PRKN: variants seen among roughly 807,000 people sequenced by gnomAD.
PRKN encodes the protein parkin RBR E3 ubiquitin protein ligase.
PRKN carries 56 observed loss-of-function variants against 59.5 expected under a neutral mutation model. The observed-to-expected ratio is 0.94, with a 90% confidence interval of 0.76 to 1.18. PRKN has a LOEUF of 1.18. PRKN is among the 50% of genes most tolerant of loss of function. PRKN has a pLI of 0.00. For synonymous variants in PRKN, 250 were observed against 222.1 expected, an observed-to-expected ratio of 1.13 and a Z score of -1.12; for missense variants, 657 against 596.4, an observed-to-expected ratio of 1.10 and a Z score of -1.06.
intron 2 of PRKN, among the ~76,000 whole-genome samples, chr6:162,380,884 G>A (rs926843143): frequency 6.6e-6 from 1 of 152,108 alleles, no homozygotes; most frequent in African/African-American, 2.4e-5. Context: ...CCTATGGGCA[G>A]TCTTTCTGGG....
At chr6:162,683,966 T>C (rs1251074448) in intron 1 of PRKN, among the ~76,000 whole-genome samples, 3 of 152,092 alleles carry the variant, frequency 2.0e-5, no homozygotes, top group Non-Finnish European at 2.9e-5. Flanking sequence ...GAAAGTAGAA[T>C]AGTATGAAGA....
At chr6:161,916,703 CTCT>C (rs934114892) in intron 6 of PRKN, among the ~76,000 whole-genome samples, 7 of 152,094 alleles carry the variant, frequency 4.6e-5, no homozygotes, top group South Asian at 2.1e-4. Flanking sequence ...TATGGCTTTC[CTCT>C]TCTTCTACCC....
intron 1 of PRKN, among the ~76,000 whole-genome samples, chr6:162,504,655 T>C (rs62428854): frequency 0.29 from 44,308 of 151,990 alleles, 7,248 homozygotes; most frequent in Middle Eastern, 0.39. Context: ...GTAACATTAG[T>C]ATAGGAAGGC....
intron 7 of PRKN, among the ~76,000 whole-genome samples, chr6:161,778,407 A>G (rs1790049761): frequency 3.9e-5 from 6 of 152,224 alleles, no homozygotes; most frequent in Non-Finnish European, 1.5e-5. Flanking sequence ...TTAGATAGAA[A>G]CTTTATCATT....
intron 9 of PRKN, among the ~76,000 whole-genome samples, chr6:161,504,413 G>T (rs1562491048): frequency 6.6e-6 from 1 of 152,196 alleles, no homozygotes. Context: ...GGTGTGCGGG[G>T]ATGGGAAAAG....
At chr6:162,350,036 G>T (rs1018566684) in intron 2 of PRKN, among the ~76,000 whole-genome samples, 4 of 152,072 alleles carry the variant, frequency 2.6e-5, no homozygotes, top group African/African-American at 9.7e-5. Context: ...AAAATTAATT[G>T]TATTTCTACA....
chr6:161,384,409 G>A (rs1345674022), intron 10 of PRKN, among the ~76,000 whole-genome samples: 2 of 152,058 alleles, frequency 1.3e-5, no homozygotes, highest in African/African-American at 2.4e-5. Context: ...CTGGTGTGGT[G>A]GCATGTGCCT....
Position 162,332,629 on chromosome 6 carries a change from T to C in PRKN, c.172-69864A>G, listed in dbSNP as rs1468013406. Among the ~76,000 whole-genome samples the C allele has an allele frequency of 2.0e-5, 3 of 152,156 alleles. No homozygotes were observed. The South Asian group carries it at 6.2e-4, about 32-fold the overall frequency. On this transcript the variant is annotated intron_variant, in intron 2 of 11. Transcript: ENST00000366898. ...TGGAAAATTGCTGTGAATTACTGAT[T>C]TTGTCATATGAAGTTACATGGCTTC...
chr6:162,354,791 C>T (rs985961339), intron 2 of PRKN, among the ~76,000 whole-genome samples: 3 of 152,132 alleles, frequency 2.0e-5, no homozygotes, highest in Middle Eastern at 6.8e-3. Context: ...TGTCTATCAA[C>T]CATCAGCAAA....
At position 161,774,662 on chromosome 6, in the gene PRKN, C is replaced by T. The variant is rs149190884; in HGVS notation, c.871+11110G>A. On this transcript the variant is annotated intron_variant, in intron 7 of 11. Transcript: ENST00000366898. ...GATTCGGGTCTGGGTCCCTGGATAA[C>T]GGAGTGGAGCAGAGGCCCCTTGGCC... Among the ~76,000 whole-genome samples the T allele has an allele frequency of 2.6e-5, 4 of 152,232 alleles. No individual in the cohort carries two copies. The East Asian group carries it at 5.8e-4, about 22-fold the overall frequency.
At chr6:162,657,485 A>G (rs116176084) in intron 1 of PRKN, among the ~76,000 whole-genome samples, 1,534 of 152,284 alleles carry the variant, frequency 0.01, 28 homozygotes, top group African/African-American at 0.035. Flanking sequence ...TCCAACAATT[A>G]CTAAATTTAA....
chr6:161,876,473 A>G (rs1223443259), intron 6 of PRKN, among the ~76,000 whole-genome samples: 1 of 152,094 alleles, frequency 6.6e-6, no homozygotes, highest in Non-Finnish European at 1.5e-5. Flanking sequence ...CGTCACACCC[A>G]GCTAATTTTT....
Position 162,262,505 on chromosome 6 carries a change from T to G in PRKN, c.412+20A>C. On this transcript the variant is annotated intron_variant, in intron 3 of 11. Coordinates refer to ENST00000366898, the MANE Select transcript of PRKN (RefSeq NM_004562.3). ...ACAAACAAACAAAATGCTTTAATAA[T>G]CTTAGAGCATTCCAATTACCTGGAC... is the stretch of plus-strand genomic sequence containing the variant. The G allele has an allele frequency of 1.2e-6, 2 of 1,613,888 alleles. No individual in the cohort carries two copies. The highest frequency in any genetic ancestry group is 2.2e-5 in the South Asian group (2 of 91,036).
intron 2 of PRKN, among the ~76,000 whole-genome samples, chr6:162,334,398 T>A (rs1193822290): frequency 6.6e-6 from 1 of 152,188 alleles, no homozygotes; most frequent in Non-Finnish European, 1.5e-5. Flanking sequence ...AATGCTCATT[T>A]CCATTAAAAT....
chr6:161,494,724 A>G (rs1777680038), intron 9 of PRKN, among the ~76,000 whole-genome samples: 1 of 152,200 alleles, frequency 6.6e-6, no homozygotes, highest in Non-Finnish European at 1.5e-5. Flanking sequence ...ATGTATTCCC[A>G]TCTTACGGGC....
chr6:162,542,087 C>T (rs374080274), intron 1 of PRKN, among the ~76,000 whole-genome samples: 2 of 152,020 alleles, frequency 1.3e-5, no homozygotes, highest in Admixed American at 6.6e-5. Flanking sequence ...TCCCAGGTTG[C>T]GGAAGGTAAG....
In PRKN at chr6:161,415,726, C is replaced by G. The variant is rs16892507; in HGVS notation, c.1084-28849G>C. Among the ~76,000 whole-genome samples, 142 of 151,640 alleles carry G rather than the reference C, an allele frequency of 9.4e-4. 1 individual carries two copies. The East Asian group carries it at 0.023, about 24-fold the overall frequency. ...GGCCCCTCCTGAGCTTCGTCCCAGA[C>G]AGCAGTCAGAGCAGGACTTCAGATG... On this transcript the variant is annotated intron_variant, in intron 9 of 11. Coordinates refer to ENST00000366898, the MANE Select transcript of PRKN (RefSeq NM_004562.3).
intron 2 of PRKN, among the ~76,000 whole-genome samples, chr6:162,379,272 A>C (rs1786297293): frequency 6.6e-6 from 1 of 152,108 alleles, no homozygotes; most frequent in Non-Finnish European, 1.5e-5. Flanking sequence ...TCACTCCATG[A>C]GTGATAAATT....
At chr6:162,148,307 T>G (rs1012787760) in intron 4 of PRKN, among the ~76,000 whole-genome samples, 2 of 152,024 alleles carry the variant, frequency 1.3e-5, no homozygotes, top group African/African-American at 4.8e-5. Flanking sequence ...AGTTTGACCC[T>G]CGTGATTCAG....
Sources: allele counts gnomAD v4.1 joint callset (sites outside exome capture counted in the v4.1 genomes callset), GRCh38; gene constraint gnomAD v4.1.1; transcripts MANE v1.5; gene names NCBI Gene and HGNC (gene_info 2026-07-23, HGNC 2026-07-21).